The following ARHGAP6 variants were observed in gnomAD, a reference collection of about 807,000 sequenced individuals.
ARHGAP6 encodes Rho GTPase activating protein 6, also known as rho GTPase-activating protein 6.
In ARHGAP6, 16 loss-of-function variants were observed where a neutral mutation model predicts 55.7. That is an observed-to-expected ratio of 0.29 (90% CI 0.19 to 0.44). The LOEUF is 0.44. ARHGAP6 is among the 20% of genes least tolerant of loss of function. The pLI is 1.00. For missense variants in ARHGAP6, 698 were observed against 808.9 expected (o/e 0.86, Z 1.66); for synonymous variants, 382 against 360.9 (o/e 1.06, Z -0.66).
chrX:11,294,695 A>G (rs1406905547), intron 1 of ARHGAP6: 2 of 989,171 alleles, frequency 2.0e-6, no homozygotes, highest in Non-Finnish European at 2.9e-6. Flanking sequence ...AGACTAATGT[A>G]GATTATGTGT....
chrX:11,397,906 C>T (rs1279156572), intron 1 of ARHGAP6, among the ~76,000 whole-genome samples: 3 of 111,415 alleles, frequency 2.7e-5, no homozygotes, highest in South Asian at 3.7e-4. Flanking sequence ...AAAACAAAAA[C>T]GAAAACAAAA....
intron 1 of ARHGAP6, among the ~76,000 whole-genome samples, chrX:11,663,036 G>A (rs915509203): frequency 4.5e-5 from 5 of 112,181 alleles, no homozygotes; most frequent in African/African-American, 1.6e-4. Flanking sequence ...AGCAAAATTT[G>A]TTAGTTTTTT....
intron 1 of ARHGAP6, among the ~76,000 whole-genome samples, chrX:11,636,320 T>C (rs2052419071): frequency 8.9e-6 from 1 of 112,109 alleles, no homozygotes; most frequent in Non-Finnish European, 1.9e-5. Flanking sequence ...AGAATGCTTG[T>C]TCATTCAGAT....
At chrX:11,400,516 C>A (rs747919676) in intron 1 of ARHGAP6, among the ~76,000 whole-genome samples, 3 of 107,299 alleles carry the variant, frequency 2.8e-5, no homozygotes, top group East Asian at 2.9e-4. Flanking sequence ...CCCGTCCCCC[C>A]CTGGCTAAAA....
At position 11,665,280 on chromosome X, in the gene ARHGAP6, C is replaced by G. The variant is rs781536876; in HGVS notation, c.-452G>C. 27 of 115,015 alleles carry G rather than the reference C, an allele frequency of 2.3e-4. No homozygotes were observed. Among genetic ancestry groups the G allele is most frequent in the Non-Finnish European group, 4.4e-4 (24 of 54,894 alleles). 9.5% of individuals were successfully genotyped at this position (115,015 alleles called of 1,213,427 possible). On this transcript the variant is annotated 5_prime_UTR_variant, in exon 1 of 13. Coordinates refer to ENST00000337414, the MANE Select transcript of ARHGAP6 (RefSeq NM_013427.3). The stretch of plus-strand genomic sequence containing the variant: ...CCTCCTTGCGGCCCGAGGACAGTCC[C>G]GAGGGCCAGGGAGAAGGCTGCCTGG...
In ARHGAP6 at chrX:11,236,984, G is replaced by C. The variant is rs185730490; in HGVS notation, c.748+17564C>G. Among the ~76,000 whole-genome samples the C allele has an allele frequency of 1.9e-3, 209 of 112,501 alleles. 1 individual carries two copies. Among genetic ancestry groups the C allele is most frequent in the African/African-American group, 5.8e-3 (181 of 31,020 alleles). ...TTTGTAAAACAGCGGACATCCATTT[G>C]TGCAATGCATTTAGACTCTGCCCTC... On this transcript the variant is annotated intron_variant, in intron 2 of 12. Transcript: ENST00000337414.
At chrX:11,462,307 T>C (rs926725933) in intron 1 of ARHGAP6, among the ~76,000 whole-genome samples, 1 of 111,987 alleles carries the variant, frequency 8.9e-6, no homozygotes, top group South Asian at 3.8e-4. Context: ...CGAAGGGAAC[T>C]GCCTCATCTC....
chrX:11,266,799 A>G (rs2047633243), intron 1 of ARHGAP6, among the ~76,000 whole-genome samples: 1 of 112,042 alleles, frequency 8.9e-6, no homozygotes, highest in African/African-American at 3.2e-5. Flanking sequence ...CACTGTGATT[A>G]TAATTTACAA....
intron 1 of ARHGAP6, among the ~76,000 whole-genome samples, chrX:11,590,877 A>AAGAAAAGAAAAGAAAAGAAG (rs1569411019): frequency 7.4e-5 from 5 of 67,311 alleles, no homozygotes; most frequent in Non-Finnish European, 1.4e-4. Context: ...AAGGAAAGAA[A>AAGAAAAGAAAAGAAAAGAAG]GAAAGAAAGA....
At chrX:11,578,557 T>C (rs775549875) in intron 1 of ARHGAP6, among the ~76,000 whole-genome samples, 7 of 111,520 alleles carry the variant, frequency 6.3e-5, no homozygotes, top group Admixed American at 1.9e-4. Context: ...TGTGGAGAAA[T>C]AGGAACGCTT....
At chrX:11,162,693 T>C (rs752206087) in intron 9 of ARHGAP6, among the ~76,000 whole-genome samples, 1 of 103,279 alleles carries the variant, frequency 9.7e-6, no homozygotes, top group Admixed American at 1.0e-4. Flanking sequence ...CTTGTCTAGA[T>C]GTTTCTCTCT....
At chrX:11,638,709 T>C (rs1323996016) in intron 1 of ARHGAP6, among the ~76,000 whole-genome samples, 1 of 111,544 alleles carries the variant, frequency 9.0e-6, no homozygotes, top group Non-Finnish European at 1.9e-5. Context: ...AGAAAAATTA[T>C]ATATAGCCCA....
chrX:11,471,887 A>C (rs1057189185), intron 1 of ARHGAP6, among the ~76,000 whole-genome samples: 1 of 111,413 alleles, frequency 9.0e-6, no homozygotes, highest in African/African-American at 3.3e-5. Flanking sequence ...AAAGCTAGGA[A>C]AGGACAGATC....
chrX:11,604,975 T>C (rs1321370599), intron 1 of ARHGAP6, among the ~76,000 whole-genome samples: 1 of 111,785 alleles, frequency 8.9e-6, no homozygotes, highest in Non-Finnish European at 1.9e-5. Flanking sequence ...CTGTAAGCCT[T>C]CAGTACAAAC....
Position 11,188,938 on chromosome X carries a change from C to T in ARHGAP6, c.867G>A (p.Ala289=), listed in dbSNP as rs758764475. Residue 289 remains alanine (A), a synonymous_variant, in exon 4 of 13, where the codon GCG becomes GCA. Coordinates refer to ENST00000337414, the MANE Select transcript of ARHGAP6 (RefSeq NM_013427.3). ...AFGMPLSQVI[A]NDRAYKLKQD... ...GCTTGAGTTTATAGGCCCTGTCATT[C>T]GCAATGACTTGGGATAAGGGCATTC... is the stretch of plus-strand genomic sequence containing the variant. 10 of 1,209,138 alleles carry T rather than the reference C, an allele frequency of 8.3e-6. No individual in the cohort carries two copies. In the South Asian group the frequency reaches 8.8e-5, roughly 11 times the overall value.
At chrX:11,633,947 T>C (rs1382579295) in intron 1 of ARHGAP6, among the ~76,000 whole-genome samples, 1 of 111,615 alleles carries the variant, frequency 9.0e-6, no homozygotes, top group Admixed American at 9.5e-5. Flanking sequence ...GACTCAGAGT[T>C]GTTGTGAGGA....
chrX:11,542,364 C>T (rs1017769511), intron 1 of ARHGAP6, among the ~76,000 whole-genome samples: 5 of 110,870 alleles, frequency 4.5e-5, no homozygotes, highest in African/African-American at 1.6e-4. Context: ...ATCCCAGCTA[C>T]TCCGGAGGCT....
At chrX:11,427,940 CGCT>C (rs1479181610) in intron 1 of ARHGAP6, 1 of 343,208 alleles carries the variant, frequency 2.9e-6, no homozygotes, top group African/African-American at 2.8e-5. Context: ...CGGCCGCCGC[CGCT>C]GACAGCTGTT....
At chrX:11,664,166 G>T (rs1439035197) in intron 1 of ARHGAP6, 75 bp downstream of exon 1, 3 of 973,007 alleles carry the variant, frequency 3.1e-6, no homozygotes, top group East Asian at 6.4e-5. Context: ...AAATGTAATG[G>T]AATTAAAGGC....
Sources: allele counts gnomAD v4.1 joint callset (sites outside exome capture counted in the v4.1 genomes callset), GRCh38; gene constraint gnomAD v4.1.1; transcripts MANE v1.5; gene names NCBI Gene and HGNC (gene_info 2026-07-23, HGNC 2026-07-21).